Variants in TENT4B observed in about 807,000 individuals in gnomAD.
TENT4B encodes terminal nucleotidyltransferase 4B.
Under a neutral mutation model 75.0 loss-of-function variants are expected in TENT4B, and 10 were observed. The ratio of observed to expected loss-of-function variants is 0.13; its 90% CI spans 0.08 to 0.23. The LOEUF (loss-of-function observed/expected upper bound fraction) is 0.23. Ranked by LOEUF, TENT4B falls within the 10% of genes least tolerant of loss-of-function variation. The probability of loss-of-function intolerance (pLI) is 1.00; values close to 1 mark genes in which losing one functional copy is unlikely to be tolerated. For synonymous variants in TENT4B, 350 were observed against 357.7 expected (o/e 0.98, Z 0.24); for missense variants, 579 against 893.8 (o/e 0.65, Z 4.49).
At chr16:50,182,032 C>T (rs1293385107) in intron 1 of TENT4B, among the ~76,000 whole-genome samples, 4 of 152,034 alleles carry the variant, frequency 2.6e-5, no homozygotes, top group African/African-American at 9.7e-5. Context: ...AGTAGGAGGC[C>T]GAGGTGGGCA....
chr16:50,190,075 C>CA (rs754925816), intron 1 of TENT4B, among the ~76,000 whole-genome samples: 2,899 of 41,812 alleles, frequency 0.069, 135 homozygotes, highest in African/African-American at 0.16. Context: ...GACTCTGTTT[C>CA]AAAAAAAAAA....
rs117800418 is a variant in TENT4B at position 50,176,354 on chromosome 16, C to T, written c.638+22095C>T. On this transcript the variant is annotated intron_variant, in intron 1 of 11. Transcript: ENST00000561678. ...CCCGCCTCCGTCTCCCAAAGTGCTGCGATTACAGGCATGAACCACTACGCC... is the reference window on the plus strand; with the variant it reads ...CCCGCCTCCGTCTCCCAAAGTGCTGTGATTACAGGCATGAACCACTACGCC... Among the ~76,000 whole-genome samples the T allele has an allele frequency of 3.2e-3, 489 of 151,340 alleles. 14 individuals are homozygous for T. In the East Asian group the frequency reaches 0.083, roughly 26 times the overall value.
At chr16:50,193,876 C>G (rs1394919092) in intron 1 of TENT4B, among the ~76,000 whole-genome samples, 5 of 152,216 alleles carry the variant, frequency 3.3e-5, no homozygotes, top group African/African-American at 1.2e-4. Flanking sequence ...CATGAAATCC[C>G]ATGGCTGCTA....
At chr16:50,175,935 A>T (rs981113416) in intron 1 of TENT4B, among the ~76,000 whole-genome samples, 1 of 151,520 alleles carries the variant, frequency 6.6e-6, no homozygotes, top group Non-Finnish European at 1.5e-5. Flanking sequence ...GGTGAGCACC[A>T]CTCTGACCAG....
At position 50,225,091 on chromosome 16, in the gene TENT4B, C is replaced by G. The variant is rs184405867; in HGVS notation, c.1613-7C>G. 1 of 1,609,676 alleles carries G rather than the reference C, an allele frequency of 6.2e-7. No homozygotes were observed. Among genetic ancestry groups the G allele is most frequent in the East Asian group, 2.2e-5 (1 of 44,826 alleles). On this transcript the variant is annotated splice_region_variant and splice_polypyrimidine_tract_variant and intron_variant, in intron 9 of 11. Transcript: ENST00000561678. The stretch of plus-strand genomic sequence containing the variant: ...AAACGTTTTCCAATCTTTTGCCACT[C>G]TTTCAGGAAATGGTGTTACCTTGAT...
rs538389215 is a variant in TENT4B, at chr16:50,221,106, G to A, written c.1039-1200G>A. Reference sequence around the variant, plus strand: ...GTTCAAGACCAGCCCGGGCAATGTGGTGAAACCCTGTCTCTACAAAAATAC... The same window carrying A: ...GTTCAAGACCAGCCCGGGCAATGTGATGAAACCCTGTCTCTACAAAAATAC... On this transcript the variant is annotated intron_variant, in intron 5 of 11. Coordinates refer to ENST00000561678, the MANE Select transcript of TENT4B (RefSeq NM_001365324.3). Among the ~76,000 whole-genome samples, 80 of 152,214 alleles carry A rather than the reference G, an allele frequency of 5.3e-4. 1 individual carries two copies. The highest frequency in any genetic ancestry group is 1.0e-3 in the South Asian group (5 of 4,822).
intron 1 of TENT4B, 73 bp from the exon 2 acceptor site, chr16:50,211,250 T>G: frequency 7.1e-7 from 1 of 1,401,570 alleles, no homozygotes; most frequent in East Asian, 2.8e-5. Flanking sequence ...CTTAATTAGA[T>G]AAGATTATTT....
intron 1 of TENT4B, among the ~76,000 whole-genome samples, chr16:50,191,860 G>A (rs1325257681): frequency 3.9e-5 from 6 of 152,002 alleles, no homozygotes; most frequent in African/African-American, 9.7e-5. Context: ...CGGAGGTTGC[G>A]GTGAGTCGAG....
At chr16:50,228,149 A>T (rs2032140952) in intron 11 of TENT4B, 146 bp downstream of exon 11, 1 of 1,020,846 alleles carries the variant, frequency 9.8e-7, no homozygotes, top group African/African-American at 1.6e-5. Context: ...CCAACACATG[A>T]CAGTGCTTCT....
chr16:50,153,837 G>T lies in TENT4B; in HGVS notation c.216G>T (p.Ala72=). 1 of 1,256,838 alleles carries T rather than the reference G, an allele frequency of 8.0e-7. No individual in the cohort carries two copies. The highest frequency in any genetic ancestry group is 9.9e-7 in the Non-Finnish European group (1 of 1,006,018). 77.9% of individuals were successfully genotyped at this position (1,256,838 alleles called of 1,614,324 possible). ...SGSSTGSPGG[A]ASAPAPAPAG... ...GCAGCACCGGCAGCCCCGGCGGCGCGGCCTCGGCCCCGGCCCCGGCCCCGG... is the reference window on the plus strand; with the variant it reads ...GCAGCACCGGCAGCCCCGGCGGCGCTGCCTCGGCCCCGGCCCCGGCCCCGG... The change falls in exon 1 of 12, where the codon GCG becomes GCT. Residue 72 remains alanine (A), a synonymous_variant. Transcript: ENST00000561678.
chr16:50,234,408 T>G lies in TENT4B; in HGVS notation c.*5080T>G. ...CCTCTTAGAGGTTAGGCCATGCCTT[T>G]CAAAGAGAGTGAAATGATGGGTTAT... is the stretch of plus-strand genomic sequence containing the variant. On this transcript the variant is annotated 3_prime_UTR_variant, in exon 12 of 12. Coordinates refer to ENST00000561678, the MANE Select transcript of TENT4B (RefSeq NM_001365324.3). 1.0e-6 allele frequency: 1 copy of G among 985,478 alleles called. No individual in the cohort carries two copies. Among genetic ancestry groups the G allele is most frequent in the Non-Finnish European group, 1.2e-6 (1 of 829,942 alleles). The allele number at this position is 985,478 out of a possible 1,614,324, so 61.0% of individuals were successfully genotyped here.
chr16:50,200,820 G>A (rs2030594854), intron 1 of TENT4B, among the ~76,000 whole-genome samples: 1 of 150,878 alleles, frequency 6.6e-6, no homozygotes, highest in South Asian at 2.1e-4. Context: ...ATTGAGACAA[G>A]TTCTCACTCT....
chr16:50,162,357 T>C (rs564389792), intron 1 of TENT4B, among the ~76,000 whole-genome samples: 2 of 152,324 alleles, frequency 1.3e-5, no homozygotes, highest in South Asian at 2.1e-4. Flanking sequence ...GGTAAGTGCA[T>C]GTTTGGTTTT....
At chr16:50,204,060 A>G (rs373099458) in intron 1 of TENT4B, among the ~76,000 whole-genome samples, 2 of 152,316 alleles carry the variant, frequency 1.3e-5, no homozygotes, top group East Asian at 3.9e-4. Context: ...GCTGTCGTAG[A>G]AGAGGGCTCG....
At chr16:50,182,891 C>CGTTTTTTTTTTTTTTTTTTT (rs2038443698) in intron 1 of TENT4B, among the ~76,000 whole-genome samples, 1 of 36,458 alleles carries the variant, frequency 2.7e-5, no homozygotes, top group East Asian at 1.2e-3. Flanking sequence ...TTTATTTTAC[C>CGTTTTTTTTTTTTTTTTTTT]TTTTTTTTTT....
chr16:50,161,167 G>A (rs571730177), intron 1 of TENT4B, among the ~76,000 whole-genome samples: 2 of 152,262 alleles, frequency 1.3e-5, no homozygotes, highest in Admixed American at 6.5e-5. Flanking sequence ...AAGATTACAC[G>A]TAATTGTTTT....
chr16:50,190,083 AAAAAAAAAAAC>A (rs1463176133), intron 1 of TENT4B, among the ~76,000 whole-genome samples: 1 of 113,482 alleles, frequency 8.8e-6, no homozygotes, highest in African/African-American at 2.8e-5. Flanking sequence ...TTCAAAAAAA[AAAAAAAAAAAC>A]AAAGAAAAGA....
chr16:50,212,321 GT>G (rs557356429), intron 2 of TENT4B, among the ~76,000 whole-genome samples: 16 of 152,224 alleles, frequency 1.1e-4, no homozygotes, highest in Non-Finnish European at 1.8e-4. Flanking sequence ...GCCTCCCAAA[GT>G]GCTAGGATTA....
intron 1 of TENT4B, among the ~76,000 whole-genome samples, chr16:50,207,500 T>C (rs2031048281): frequency 6.6e-6 from 1 of 152,164 alleles, no homozygotes; most frequent in Non-Finnish European, 1.5e-5. Context: ...CCTTTTAACA[T>C]AAAAACATTG....
Sources: gnomAD v4.1 joint callset for allele counts (sites outside exome capture counted in the v4.1 genomes callset) on GRCh38, gnomAD v4.1.1 for gene constraint, MANE v1.5 for transcripts, NCBI Gene and HGNC (gene_info 2026-07-23, HGNC 2026-07-21) for gene names.